CTNNA1: variants seen among roughly 807,000 people sequenced by gnomAD.
CTNNA1 encodes the protein catenin alpha-1.
A neutral mutation model predicts 98.4 loss-of-function variants in CTNNA1; 37 were observed. That is an observed-to-expected ratio of 0.38 (90% CI 0.29 to 0.49). The LOEUF (loss-of-function observed/expected upper bound fraction) is 0.49, where lower values mean the gene tolerates loss of function less well. CTNNA1 is among the 20% of genes least tolerant of loss of function. The pLI, the probability that CTNNA1 is intolerant of heterozygous loss-of-function variation, is 0.95. For missense variants in CTNNA1, 761 were observed against 1,147.2 expected (o/e 0.66, Z 4.86); for synonymous variants, 404 against 413.2 (o/e 0.98, Z 0.27).
chr5:138,799,857 G>GATGGATGTATGTATGT (rs151142176), intron 3 of CTNNA1, among the ~76,000 whole-genome samples: 237 of 149,134 alleles, frequency 1.6e-3, no homozygotes, highest in African/African-American at 4.9e-3. Flanking sequence ...AGTAGATGTA[G>GATGGATGTATGTATGT]ATGTATGTAT....
intron 5 of CTNNA1, among the ~76,000 whole-genome samples, chr5:138,818,295 G>C (rs1279748646): frequency 6.6e-6 from 1 of 151,230 alleles, no homozygotes; most frequent in African/African-American, 2.4e-5. Flanking sequence ...AGCGGGGGTG[G>C]GTAGAGATAG....
intron 7 of CTNNA1, among the ~76,000 whole-genome samples, chr5:138,881,597 G>T (rs1752920433): frequency 6.6e-6 from 1 of 152,196 alleles, no homozygotes; most frequent in Non-Finnish European, 1.5e-5. Flanking sequence ...TTGGTTGTGA[G>T]CAACAGCTTG....
chr5:138,799,183 A>G (rs915148265), intron 3 of CTNNA1, among the ~76,000 whole-genome samples: 5 of 151,986 alleles, frequency 3.3e-5, no homozygotes, highest in Non-Finnish European at 5.9e-5. Flanking sequence ...TTTTTTAGAC[A>G]GAGTTTCGCT....
Position 138,783,272 on chromosome 5 carries a change from A to G in CTNNA1, c.201A>G (p.Gln67=), listed in dbSNP as rs369216126. 3 of 1,614,162 alleles carry G rather than the reference A, an allele frequency of 1.9e-6. No individual in the cohort carries two copies. Among genetic ancestry groups the G allele is most frequent in the South Asian group, 1.1e-5 (1 of 91,078 alleles). ...KAHVLAASVE[Q]ATENFLEKGD... is the part of the protein sequence containing the mutation. Reference sequence around the variant, plus strand: ...ATGTTTTGGCTGCATCTGTTGAACAAGCAACTGAGAATTTCTTGGAGAAGG... The same window carrying G: ...ATGTTTTGGCTGCATCTGTTGAACAGGCAACTGAGAATTTCTTGGAGAAGG... The change falls in exon 3 of 18, where the codon CAA becomes CAG. Residue 67 remains glutamine, a synonymous_variant. Transcript: ENST00000302763.
chr5:138,771,172 C>T (rs73267561), intron 1 of CTNNA1, among the ~76,000 whole-genome samples: 1,807 of 151,396 alleles, frequency 0.012, 40 homozygotes, highest in African/African-American at 0.036. Context: ...ACAAAGGAGG[C>T]ACTCATATTT....
chr5:138,897,292 G>GCCCCCCCCCCCCC (rs1171659846), intron 9 of CTNNA1, among the ~76,000 whole-genome samples: 1 of 15,410 alleles, frequency 6.5e-5, no homozygotes, highest in Non-Finnish European at 1.1e-4. Flanking sequence ...ACCTCACACC[G>GCCCCCCCCCCCCC]CACCCCCCCC....
chr5:138,908,218 A>T (rs1759724507), intron 10 of CTNNA1, among the ~76,000 whole-genome samples: 1 of 152,130 alleles, frequency 6.6e-6, no homozygotes, highest in Non-Finnish European at 1.5e-5. Flanking sequence ...GGCCTCCCAA[A>T]GTGCTGGGAT....
chr5:138,825,048 G>T (rs1760502082), intron 6 of CTNNA1, among the ~76,000 whole-genome samples: 1 of 152,038 alleles, frequency 6.6e-6, no homozygotes, highest in Non-Finnish European at 1.5e-5. Context: ...TTTCCTATGA[G>T]GTCATTCTTT....
At chr5:138,766,327 G>C (rs564357137) in intron 1 of CTNNA1, among the ~76,000 whole-genome samples, 1 of 152,284 alleles carries the variant, frequency 6.6e-6, no homozygotes, top group African/African-American at 2.4e-5. Flanking sequence ...GAGGCATGCA[G>C]GTGCATTGGG....
intron 3 of CTNNA1, among the ~76,000 whole-genome samples, chr5:138,791,694 A>C (rs1192462729): frequency 1.3e-5 from 2 of 150,454 alleles, no homozygotes; most frequent in East Asian, 3.9e-4. Flanking sequence ...CTGCTAACAC[A>C]ATAGTTAACA....
intron 3 of CTNNA1, among the ~76,000 whole-genome samples, chr5:138,785,893 C>T (rs980373282): frequency 6.6e-6 from 1 of 152,170 alleles, no homozygotes; most frequent in African/African-American, 2.4e-5. Flanking sequence ...TGCGCCTGGC[C>T]ACATTTATTT....
intron 10 of CTNNA1, among the ~76,000 whole-genome samples, chr5:138,908,875 C>A (rs558991552): frequency 6.6e-6 from 1 of 152,058 alleles, no homozygotes; most frequent in South Asian, 2.1e-4. Context: ...CCGAGCAGAG[C>A]GCCCCGGTCT....
At chr5:138,858,237 C>T (rs1021989699) in intron 7 of CTNNA1, among the ~76,000 whole-genome samples, 1 of 152,012 alleles carries the variant, frequency 6.6e-6, no homozygotes, top group Non-Finnish European at 1.5e-5. Flanking sequence ...AGCAGTCCTC[C>T]CACCTCAGCC....
chr5:138,792,140 C>T (rs1455094559), intron 3 of CTNNA1, among the ~76,000 whole-genome samples: 2 of 152,026 alleles, frequency 1.3e-5, no homozygotes, highest in East Asian at 3.8e-4. Context: ...ACATAGATGC[C>T]ATCTTCCTTG....
At chr5:138,833,349 A>G (rs1307485813) in intron 7 of CTNNA1, among the ~76,000 whole-genome samples, 4 of 152,222 alleles carry the variant, frequency 2.6e-5, no homozygotes, top group Non-Finnish European at 5.9e-5. Flanking sequence ...GCCACTCACC[A>G]TATGTGGCTA....
rs1761663939 is a variant in CTNNA1, at chr5:138,835,195, G to A, written c.1062+7477G>A. ...CTTTTGTGGATCTTCAGTTGCTTCA[G>A]GCCATCTGGATGTATACATGCAGGT... is the stretch of plus-strand genomic sequence containing the variant. On this transcript the variant is annotated intron_variant, in intron 7 of 17. Coordinates refer to ENST00000302763, the MANE Select transcript of CTNNA1 (RefSeq NM_001903.5). 2.0e-5 allele frequency among the ~76,000 whole-genome samples: 3 copies of A among 152,134 alleles called. No individual in the cohort carries two copies. In the South Asian group the frequency reaches 6.2e-4, roughly 32 times the overall value.
intron 1 of CTNNA1, among the ~76,000 whole-genome samples, chr5:138,765,267 C>G (rs1032792652): frequency 3.3e-5 from 5 of 152,122 alleles, no homozygotes; most frequent in Non-Finnish European, 7.4e-5. Context: ...TCTCAAACTC[C>G]TGACCTCAGG....
At chr5:138,872,290 G>A (rs1480852798) in intron 7 of CTNNA1, 1 of 152,432 alleles carries the variant, frequency 6.6e-6, no homozygotes, top group African/African-American at 2.4e-5. Context: ...ATAAGAAGTT[G>A]GTGTAATTAT....
intron 7 of CTNNA1, among the ~76,000 whole-genome samples, chr5:138,828,715 A>C (rs2149788274): frequency 6.6e-6 from 1 of 152,336 alleles, no homozygotes; most frequent in Admixed American, 6.5e-5. Flanking sequence ...GGCCTGTAAA[A>C]GTTAATGGGT....
Sources: allele counts gnomAD v4.1 joint callset (sites outside exome capture counted in the v4.1 genomes callset), GRCh38; gene constraint gnomAD v4.1.1; transcripts MANE v1.5; gene names NCBI Gene and HGNC (gene_info 2026-07-23, HGNC 2026-07-21).